Variants in MRTFA observed in about 807,000 individuals in gnomAD.
MRTFA encodes myocardin-related transcription factor A.
Under a neutral mutation model 83.5 loss-of-function variants are expected in MRTFA, and 20 were observed. The observed-to-expected ratio is 0.24, with a 90% confidence interval of 0.17 to 0.35. The LOEUF is 0.35. Ranked by LOEUF, MRTFA falls within the 10% of genes least tolerant of loss-of-function variation. The probability of loss-of-function intolerance (pLI) is 1.00; values close to 1 mark genes in which losing one functional copy is unlikely to be tolerated. For synonymous variants in MRTFA, 659 were observed against 541.2 expected, an observed-to-expected ratio of 1.22 and a Z score of -3.02; for missense variants, 1,200 against 1,224.7, an observed-to-expected ratio of 0.98 and a Z score of 0.30.
intron 3 of MRTFA, among the ~76,000 whole-genome samples, chr22:40,545,291 G>A (rs900659234): frequency 6.6e-5 from 10 of 152,086 alleles, no homozygotes; most frequent in East Asian, 3.9e-4. Flanking sequence ...TTTTATCAAC[G>A]TTTTACAATT....
chr22:40,600,327 T>C (rs2056244455), intron 1 of MRTFA, among the ~76,000 whole-genome samples: 1 of 152,190 alleles, frequency 6.6e-6, no homozygotes, highest in South Asian at 2.1e-4. Context: ...GAGAAACCAC[T>C]GTGCTCCTAG....
At chr22:40,572,513 G>A (rs887827643) in intron 2 of MRTFA, among the ~76,000 whole-genome samples, 2 of 151,758 alleles carry the variant, frequency 1.3e-5, no homozygotes, top group Non-Finnish European at 2.9e-5. Flanking sequence ...CCATACACCT[G>A]AAATGGATTA....
intron 3 of MRTFA, among the ~76,000 whole-genome samples, chr22:40,467,021 C>T (rs189905501): frequency 3.3e-5 from 5 of 151,896 alleles, no homozygotes; most frequent in South Asian, 2.1e-4. Flanking sequence ...AGTACAAAGA[C>T]GAAAGCTTAT....
At chr22:40,427,239 T>G (rs1362108358) in intron 7 of MRTFA, among the ~76,000 whole-genome samples, 1 of 152,028 alleles carries the variant, frequency 6.6e-6, no homozygotes, top group Non-Finnish European at 1.5e-5. Context: ...AGGAAACCAC[T>G]GAGATGAGGC....
rs1329623031 is a variant in MRTFA, at chr22:40,419,238, C to A, written c.1500G>T (p.Leu500=). 1 of 1,610,174 alleles carries A rather than the reference C, an allele frequency of 6.2e-7. No individual in the cohort carries two copies. Among genetic ancestry groups the A allele is most frequent in the Admixed American group, 1.7e-5 (1 of 59,450 alleles). Residue 500 remains leucine, a synonymous_variant, in exon 12 of 15, where the codon CTG becomes CTT. Coordinates refer to ENST00000355630, the MANE Select transcript of MRTFA (RefSeq NM_020831.6). Reference sequence around the variant, plus strand: ...CTACCACCACCTCGCCAGCCTTGTGCAGGATAGAGGTGGCGGCAGGGGCCT... The same window carrying A: ...CTACCACCACCTCGCCAGCCTTGTGAAGGATAGAGGTGGCGGCAGGGGCCT...
rs142074221 is a variant in MRTFA, at chr22:40,418,965, G to C, written c.1773C>G (p.Ala591=). 6.2e-7 allele frequency: 1 copy of C among 1,612,890 alleles called. No homozygotes were observed. Among genetic ancestry groups the C allele is most frequent in the Non-Finnish European group, 8.5e-7 (1 of 1,179,932 alleles). Residue 591 remains alanine (A), a synonymous_variant, in exon 12 of 15, where the codon GCC becomes GCG. Coordinates refer to ENST00000355630, the MANE Select transcript of MRTFA (RefSeq NM_020831.6). ...CCTTCACGAGGATCTGCAGTGGCGA[G>C]GCCTGCAGGGTCAGCTGCGTCAGAG...
intron 3 of MRTFA, among the ~76,000 whole-genome samples, chr22:40,471,770 G>A (rs1342997609): frequency 6.6e-6 from 1 of 152,148 alleles, no homozygotes; most frequent in Admixed American, 6.5e-5. Flanking sequence ...TACTCGGGAG[G>A]CTGAGGCAGG....
chr22:40,513,760 A>G (rs112763706), intron 3 of MRTFA, among the ~76,000 whole-genome samples: 41 of 152,288 alleles, frequency 2.7e-4, no homozygotes, highest in African/African-American at 9.4e-4. Flanking sequence ...TCAGTAAGGC[A>G]AAATATGTAG....
At chr22:40,511,140 C>T (rs1006446894) in intron 3 of MRTFA, among the ~76,000 whole-genome samples, 3 of 151,898 alleles carry the variant, frequency 2.0e-5, no homozygotes, top group African/African-American at 7.3e-5. Flanking sequence ...AGCCAGGGAG[C>T]CCAATAACAA....
chr22:40,417,404 A>C lies in MRTFA; in HGVS notation c.2454T>G (p.Thr818=). ...CAGGTGGTTCCTTCTTCAGCAGAGA[A>C]GTGGGGGTCCCAAAGAGGGGCTGCA... Residue 818 remains threonine, a synonymous_variant, in exon 13 of 15, where the codon ACT becomes ACG. Coordinates refer to ENST00000355630, the MANE Select transcript of MRTFA (RefSeq NM_020831.6). 1 of 1,611,118 alleles carries C rather than the reference A, an allele frequency of 6.2e-7. No homozygotes were observed. Among genetic ancestry groups the C allele is most frequent in the South Asian group, 1.1e-5 (1 of 90,672 alleles).
chr22:40,433,951 T>G (rs1376032791), intron 5 of MRTFA, among the ~76,000 whole-genome samples: 3 of 152,324 alleles, frequency 2.0e-5, no homozygotes, highest in East Asian at 1.9e-4. Flanking sequence ...TCAAAAAAAA[T>G]CTAGAATCCA....
chr22:40,418,369 G>C lies in MRTFA; in HGVS notation c.2364+5C>G. On this transcript the variant is annotated splice_donor_5th_base_variant and intron_variant, in intron 12 of 14. Transcript: ENST00000355630. ...CCCTGCCCGGTTCCTCCCATACCCA[G>C]GTACCTGCTGGGGGCTCCCACTGGA... is the stretch of plus-strand genomic sequence containing the variant. 2 of 1,612,996 alleles carry C rather than the reference G, an allele frequency of 1.2e-6. No individual in the cohort carries two copies. Among genetic ancestry groups the C allele is most frequent in the African/African-American group, 1.3e-5 (1 of 75,014 alleles).
chr22:40,561,489 T>TA lies in MRTFA; in HGVS notation c.-21-9123dup, dbSNP rs58076826. ...CTGGATGATGGAGTGAAACTATGTCTAAAAAAAAAAAAAAAAAAGTTACTG... is the reference window on the plus strand; with the variant it reads ...CTGGATGATGGAGTGAAACTATGTCTAAAAAAAAAAAAAAAAAAAGTTACTG... On this transcript the variant is annotated intron_variant, in intron 2 of 14. Coordinates refer to ENST00000355630, the MANE Select transcript of MRTFA (RefSeq NM_020831.6). 9.2e-3 allele frequency among the ~76,000 whole-genome samples: 1,033 copies of TA among 112,420 alleles called. 3 individuals are homozygous for TA. Among genetic ancestry groups the TA allele is most frequent in the South Asian group, 0.018 (63 of 3,548 alleles). The allele number at this position is 112,420 out of a possible 152,430, so 73.8% of individuals were successfully genotyped here.
intron 4 of MRTFA, among the ~76,000 whole-genome samples, chr22:40,443,259 C>A (rs1260254917): frequency 1.3e-5 from 2 of 150,084 alleles, no homozygotes; most frequent in Non-Finnish European, 3.0e-5. Context: ...CAAAAAAAAA[C>A]AAAAACAAAA....
intron 7 of MRTFA, 33 bp from the exon 8 acceptor site, chr22:40,424,414 C>T (rs371929083): frequency 1.5e-4 from 244 of 1,607,372 alleles, no homozygotes; most frequent in Non-Finnish European, 1.9e-4. Flanking sequence ...GATTCCACTT[C>T]CAGCCCAGGG....
chr22:40,509,059 C>A (rs568548296), intron 3 of MRTFA, among the ~76,000 whole-genome samples: 2 of 152,200 alleles, frequency 1.3e-5, no homozygotes, highest in East Asian at 3.9e-4. Flanking sequence ...GTAATTATTT[C>A]CAATTTTCGA....
intron 3 of MRTFA, among the ~76,000 whole-genome samples, chr22:40,519,277 G>A (rs1391809577): frequency 1.3e-5 from 2 of 152,152 alleles, no homozygotes; most frequent in Admixed American, 6.5e-5. Flanking sequence ...GGTACATGGC[G>A]TAGAAGGAAA....
In MRTFA at chr22:40,507,570, C is replaced by T. The variant is rs531300624; in HGVS notation, c.242-44284G>A. Among the ~76,000 whole-genome samples the T allele has an allele frequency of 2.6e-4, 39 of 151,110 alleles. No individual in the cohort carries two copies. The South Asian group carries it at 5.9e-3, about 23-fold the overall frequency. On this transcript the variant is annotated intron_variant, in intron 3 of 14. Transcript: ENST00000355630. ...CTGTCAAGGCTGCAGTGAGCTATGA[C>T]GGTGCCACTGCACTCCCACCTGTGT...
intron 1 of MRTFA, among the ~76,000 whole-genome samples, chr22:40,626,613 T>C (rs552606434): frequency 6.6e-6 from 1 of 152,274 alleles, no homozygotes; most frequent in South Asian, 2.1e-4. Context: ...TTTCTCTTGC[T>C]CTACATTTTA....
Sources: gnomAD v4.1 joint callset for allele counts (sites outside exome capture counted in the v4.1 genomes callset) on GRCh38, gnomAD v4.1.1 for gene constraint, MANE v1.5 for transcripts, NCBI Gene and HGNC (gene_info 2026-07-23, HGNC 2026-07-21) for gene names.